RBFOX2: variants seen among roughly 807,000 people sequenced by gnomAD.
RBFOX2 encodes the protein RNA binding fox-1 homolog 2.
Under a neutral mutation model 49.1 loss-of-function variants are expected in RBFOX2, and 10 were observed. The observed-to-expected ratio is 0.20, with a 90% CI of 0.13 to 0.35. RBFOX2 has a LOEUF of 0.35. Ranked by LOEUF, RBFOX2 falls within the 10% of genes least tolerant of loss-of-function variation. RBFOX2 has a pLI of 1.00. For synonymous variants in RBFOX2, 183 were observed against 187.4 expected, an observed-to-expected ratio of 0.98 and a Z score of 0.19; for missense variants, 323 against 486.9, an observed-to-expected ratio of 0.66 and a Z score of 3.17.
At chr22:35,890,475 C>T (rs926208035) in intron 1 of RBFOX2, among the ~76,000 whole-genome samples, 2 of 152,164 alleles carry the variant, frequency 1.3e-5, no homozygotes, top group Admixed American at 6.5e-5. Context: ...AATGTGGTTT[C>T]TTTATCTCTC....
chr22:35,858,267 T>A (rs1286466811), intron 1 of RBFOX2, among the ~76,000 whole-genome samples: 1 of 152,150 alleles, frequency 6.6e-6, no homozygotes, highest in African/African-American at 2.4e-5. Context: ...CAAGGAGAAT[T>A]TTTACTTTAT....
At chr22:35,941,444 GTAAC>G (rs1429188887), upstream of RBFOX2, among the ~76,000 whole-genome samples, 2 of 152,104 alleles carry the variant, frequency 1.3e-5, no homozygotes, top group African/African-American at 2.4e-5. Flanking sequence ...AAGAAGGTAA[GTAAC>G]TGGCCCAATA....
chr22:35,793,986 A>AT (rs1350911850), intron 2 of RBFOX2, among the ~76,000 whole-genome samples: 1 of 152,202 alleles, frequency 6.6e-6, no homozygotes, highest in African/African-American at 2.4e-5. Context: ...ACAGCAAGTC[A>AT]TTTTTTTAAA....
At chr22:36,028,103 C>A in intron 1 of RBFOX2, 137 bp downstream of exon 1, 1 of 1,287,276 alleles carries the variant, frequency 7.8e-7, no homozygotes, top group Non-Finnish European at 9.9e-7. Context: ...CACCTTCCAA[C>A]CAGGCCCCGA....
At chr22:36,021,225 A>G (rs2059233098) in intron 1 of RBFOX2, among the ~76,000 whole-genome samples, 1 of 118,030 alleles carries the variant, frequency 8.5e-6, no homozygotes, top group Non-Finnish European at 1.6e-5. Flanking sequence ...GGTGGGGAAC[A>G]TCACACAATG....
intron 2 of RBFOX2, 47 bp downstream of exon 3, chr22:35,809,733 T>A (rs1399436963): frequency 6.4e-7 from 1 of 1,572,986 alleles, no homozygotes; most frequent in East Asian, 2.2e-5. Flanking sequence ...ACAATTTCTA[T>A]ATGATTGCCA....
chr22:35,975,651 A>C (rs2057109388), intron 1 of RBFOX2, among the ~76,000 whole-genome samples: 1 of 152,186 alleles, frequency 6.6e-6, no homozygotes, highest in Non-Finnish European at 1.5e-5. Context: ...GTAACAAGCA[A>C]AATTCAGATC....
At chr22:35,954,424 T>A (rs966117865) in intron 1 of RBFOX2, among the ~76,000 whole-genome samples, 2 of 152,194 alleles carry the variant, frequency 1.3e-5, no homozygotes, top group Non-Finnish European at 2.9e-5. Context: ...TATGCCTTAT[T>A]ATCTATGGCG....
chr22:35,768,301 T>C (rs1443922322), exon 5 of RBFOX2: 2 of 1,614,080 alleles, frequency 1.2e-6, no homozygotes, highest in Non-Finnish European at 1.7e-6. Flanking sequence ...AATTTCTCCC[T>C]GGCCCTGTCT....
At chr22:35,798,677 G>C (rs1055004555) in intron 2 of RBFOX2, among the ~76,000 whole-genome samples, 3 of 152,134 alleles carry the variant, frequency 2.0e-5, no homozygotes, top group African/African-American at 7.2e-5. Flanking sequence ...CTATTAAGTA[G>C]TTATTGCCCC....
At chr22:35,889,293 A>G (rs768981416) in intron 1 of RBFOX2, among the ~76,000 whole-genome samples, 2 of 152,156 alleles carry the variant, frequency 1.3e-5, no homozygotes, top group Admixed American at 6.5e-5. Flanking sequence ...CTCACAATAG[A>G]GGAAAGCCTC....
At chr22:35,785,195 C>T (rs1259642360) in intron 2 of RBFOX2, among the ~76,000 whole-genome samples, 1 of 152,100 alleles carries the variant, frequency 6.6e-6, no homozygotes, top group African/African-American at 2.4e-5. Context: ...ATCTCTTTTG[C>T]AACATCCCAG....
intron 1 of RBFOX2, among the ~76,000 whole-genome samples, chr22:35,976,845 T>C (rs2057184765): frequency 6.6e-6 from 1 of 151,518 alleles, no homozygotes; most frequent in Non-Finnish European, 1.5e-5. Context: ...GTGCCTGTAA[T>C]CCCAGCTACT....
At chr22:35,751,781 G>A (rs1184301856) in intron 9 of RBFOX2, among the ~76,000 whole-genome samples, 1 of 152,076 alleles carries the variant, frequency 6.6e-6, no homozygotes, top group East Asian at 1.9e-4. Flanking sequence ...TAAAATTGGG[G>A]TTAAGGGAAA....
At chr22:35,988,590 G>A (rs1214573967) in intron 1 of RBFOX2, among the ~76,000 whole-genome samples, 3 of 152,150 alleles carry the variant, frequency 2.0e-5, no homozygotes, top group Admixed American at 6.5e-5. Context: ...ATAAAGGGTA[G>A]AAGGAGACAT....
intron 1 of RBFOX2, among the ~76,000 whole-genome samples, chr22:35,981,034 T>C (rs1295526491): frequency 1.3e-5 from 2 of 152,186 alleles, no homozygotes; most frequent in Admixed American, 1.3e-4. Context: ...TTCCATTCTG[T>C]TGGGACATAA....
At chr22:35,767,223 G>C (rs552496622) in intron 5 of RBFOX2, among the ~76,000 whole-genome samples, 13 of 152,148 alleles carry the variant, frequency 8.5e-5, no homozygotes, top group African/African-American at 2.4e-4. Context: ...AAATAAAAGG[G>C]GGAAAGGAAA....
chr22:35,948,919 CT>C (rs2054609462), intron 1 of RBFOX2, among the ~76,000 whole-genome samples: 1 of 152,134 alleles, frequency 6.6e-6, no homozygotes, highest in South Asian at 2.1e-4. Flanking sequence ...ATCTCCAGAA[CT>C]TTCTGATCTT....
intron 5 of RBFOX2, among the ~76,000 whole-genome samples, chr22:35,767,379 AC>A (rs1288805628): frequency 3.3e-5 from 5 of 152,202 alleles, no homozygotes; most frequent in African/African-American, 9.6e-5. Flanking sequence ...GCCAACGGGC[AC>A]CATCGCCAGC....
Sources: allele counts gnomAD v4.1 joint callset (sites outside exome capture counted in the v4.1 genomes callset), GRCh38; gene constraint gnomAD v4.1.1; transcripts MANE v1.5; gene names NCBI Gene and HGNC (gene_info 2026-07-23, HGNC 2026-07-21).